FNDC3B: variants seen among roughly 807,000 people sequenced by gnomAD.
The protein encoded by FNDC3B is fibronectin type III domain containing 3B.
In FNDC3B, 12 loss-of-function variants were observed where a neutral mutation model predicts 151.5. That is an observed-to-expected ratio of 0.08 (90% CI 0.05 to 0.13). FNDC3B has a LOEUF of 0.13. Among genes scored for constraint, FNDC3B ranks in the 10% least tolerant of loss-of-function variants. The pLI is 1.00. For missense variants in FNDC3B, 1,214 were observed against 1,505.3 expected, an observed-to-expected ratio of 0.81 and a Z score of 3.20; for synonymous variants, 528 against 549.0, an observed-to-expected ratio of 0.96 and a Z score of 0.54.
intron 2 of FNDC3B, among the ~76,000 whole-genome samples, chr3:172,129,775 C>A (rs987703384): frequency 2.6e-5 from 4 of 151,662 alleles, no homozygotes; most frequent in African/African-American, 9.7e-5. Flanking sequence ...CTTAAGATCT[C>A]TGGAGAAAAA....
At chr3:172,046,620 G>C (rs542736456) in intron 1 of FNDC3B, among the ~76,000 whole-genome samples, 1 of 151,932 alleles carries the variant, frequency 6.6e-6, no homozygotes, top group Admixed American at 6.6e-5. Context: ...CACCTTGCCC[G>C]GCCCTGTTTT....
intron 6 of FNDC3B, among the ~76,000 whole-genome samples, chr3:172,285,696 G>T (rs544363074): frequency 1.3e-5 from 2 of 152,038 alleles, no homozygotes; most frequent in African/African-American, 4.8e-5. Flanking sequence ...CCTTAACATC[G>T]CGAACACTTA....
chr3:172,198,188 C>G (rs1724946207), intron 3 of FNDC3B, among the ~76,000 whole-genome samples: 2 of 151,252 alleles, frequency 1.3e-5, no homozygotes, highest in Admixed American at 1.3e-4. Flanking sequence ...ACTTTTCCTG[C>G]CTTAGTCCTG....
intron 7 of FNDC3B, among the ~76,000 whole-genome samples, chr3:172,292,836 G>C (rs1220225080): frequency 1.3e-5 from 2 of 152,194 alleles, no homozygotes; most frequent in Non-Finnish European, 2.9e-5. Context: ...ATATACTGTT[G>C]TATGTTGGAA....
chr3:172,253,719 G>GT (rs930208432), intron 6 of FNDC3B, among the ~76,000 whole-genome samples: 29 of 151,444 alleles, frequency 1.9e-4, no homozygotes, highest in African/African-American at 5.3e-4. Context: ...TTTTGTTTTT[G>GT]TTTTTTTTAT....
At chr3:172,183,868 T>A (rs892340032) in intron 3 of FNDC3B, among the ~76,000 whole-genome samples, 1 of 152,184 alleles carries the variant, frequency 6.6e-6, no homozygotes, top group African/African-American at 2.4e-5. Context: ...GACTAGGGCT[T>A]CTTGTTCCTC....
intron 7 of FNDC3B, among the ~76,000 whole-genome samples, chr3:172,286,660 A>C (rs1038147863): frequency 6.6e-6 from 1 of 152,214 alleles, no homozygotes; most frequent in African/African-American, 2.4e-5. Context: ...TGAATTTGAC[A>C]ACCTAAAAGC....
rs1553769248 is a variant in FNDC3B, at chr3:172,174,944, C to CCG, written c.187+41399_187+41400insGC. ...ACCTTCCCCCCGCCACCCCCCCCCCCCCAATACAATTTGCTGTCCATCCGG... is the reference window on the plus strand; with the variant it reads ...ACCTTCCCCCCGCCACCCCCCCCCCCCGCCAATACAATTTGCTGTCCATCCGG... On this transcript the variant is annotated intron_variant, in intron 3 of 25. Transcript: ENST00000415807. 7.7e-4 allele frequency among the ~76,000 whole-genome samples: 39 copies of CCG among 50,740 alleles called. 3 individuals carry two copies. Among genetic ancestry groups the CCG allele is most frequent in the East Asian group, 2.6e-3 (3 of 1,138 alleles). 33.3% of individuals were successfully genotyped at this position (50,740 alleles called of 152,430 possible).
chr3:172,231,548 T>A (rs1157303785), intron 4 of FNDC3B, among the ~76,000 whole-genome samples: 1 of 152,216 alleles, frequency 6.6e-6, no homozygotes, highest in Admixed American at 6.5e-5. Context: ...GGCCCCACTT[T>A]GGAGTTATTG....
At chr3:172,233,155 GA>G (rs1726972405) in intron 4 of FNDC3B, among the ~76,000 whole-genome samples, 1 of 152,110 alleles carries the variant, frequency 6.6e-6, no homozygotes, top group African/African-American at 2.4e-5. Context: ...AGTAATTTAT[GA>G]TACATTTGCT....
Position 172,298,676 on chromosome 3 carries a change from C to T in FNDC3B, c.1002-52C>T, listed in dbSNP as rs370866691. On this transcript the variant is annotated intron_variant, in intron 8 of 25. Coordinates refer to ENST00000415807, the MANE Select transcript of FNDC3B (RefSeq NM_022763.4). ...TACTGGACACCCAAATTCCAAATCT[C>T]GTTTGCTTTTGAAACTGGAATTAGC... 87 of 1,332,520 alleles carry T rather than the reference C, an allele frequency of 6.5e-5. No homozygotes were observed. In the African/African-American group the frequency reaches 9.5e-4, roughly 15 times the overall value. The allele number at this position is 1,332,520 out of a possible 1,614,324, so 82.5% of individuals were successfully genotyped here. A position where few individuals can be genotyped will look rare whatever the true frequency, so the allele number is the denominator to read the frequency against.
At chr3:172,367,957 G>T (rs1046932434) in intron 23 of FNDC3B, among the ~76,000 whole-genome samples, 1 of 152,218 alleles carries the variant, frequency 6.6e-6, no homozygotes, top group African/African-American at 2.4e-5. Context: ...CAAAATTGGA[G>T]TGGCTTTGTC....
chr3:172,181,185 A>G (rs914419615), intron 3 of FNDC3B, among the ~76,000 whole-genome samples: 1 of 151,062 alleles, frequency 6.6e-6, no homozygotes, highest in African/African-American at 2.4e-5. Flanking sequence ...GGATCTCTTG[A>G]GCCCAGCAGT....
intron 6 of FNDC3B, among the ~76,000 whole-genome samples, chr3:172,283,467 T>A (rs952386381): frequency 6.6e-6 from 1 of 152,200 alleles, no homozygotes; most frequent in South Asian, 2.1e-4. Context: ...TTCCCTTCCT[T>A]GTGTGTTGAG....
chr3:172,337,728 AG>A, intron 16 of FNDC3B: 1 of 294,336 alleles, frequency 3.4e-6, no homozygotes, highest in Non-Finnish European at 6.5e-6. Flanking sequence ...TCTGTCACAC[AG>A]GCTGGAGGGC....
chr3:172,131,948 C>A (rs1721127648), intron 2 of FNDC3B, among the ~76,000 whole-genome samples: 2 of 151,938 alleles, frequency 1.3e-5, no homozygotes, highest in Admixed American at 1.3e-4. Context: ...TATTCTATGC[C>A]AGGCATGGGG....
At chr3:172,115,999 G>C (rs1265108996) in intron 2 of FNDC3B, among the ~76,000 whole-genome samples, 2 of 152,152 alleles carry the variant, frequency 1.3e-5, no homozygotes, top group Non-Finnish European at 2.9e-5. Flanking sequence ...TTCTTGGCAG[G>C]ATTCTCTGTT....
At chr3:172,245,963 C>T (rs1329447983) in intron 4 of FNDC3B, among the ~76,000 whole-genome samples, 3 of 152,126 alleles carry the variant, frequency 2.0e-5, no homozygotes, top group Admixed American at 6.5e-5. Flanking sequence ...GCCGTTCATT[C>T]AATCTAAACC....
intron 13 of FNDC3B, among the ~76,000 whole-genome samples, 175 bp downstream of exon 13, chr3:172,330,890 A>G (rs529759965): frequency 5.3e-5 from 8 of 152,288 alleles, no homozygotes; most frequent in African/African-American, 1.9e-4. Flanking sequence ...TGTAAATGAC[A>G]TTTCCATCCT....
Sources: gnomAD v4.1 joint callset for allele counts (sites outside exome capture counted in the v4.1 genomes callset) on GRCh38, gnomAD v4.1.1 for gene constraint, MANE v1.5 for transcripts, NCBI Gene and HGNC (gene_info 2026-07-23, HGNC 2026-07-21) for gene names.